The following JHY variants were observed in gnomAD, a reference collection of about 807,000 sequenced individuals.
JHY encodes jhy protein homolog.
In JHY, 69 loss-of-function variants were observed where a neutral mutation model predicts 78.0. That is an observed-to-expected ratio of 0.88 (90% confidence interval 0.73 to 1.08). The LOEUF is 1.08. Among genes scored for constraint, JHY ranks in the 50% least tolerant of loss-of-function variants. The pLI is 0.00. For synonymous variants in JHY, 368 were observed against 342.6 expected, an observed-to-expected ratio of 1.07 and a Z score of -0.82; for missense variants, 944 against 927.8, an observed-to-expected ratio of 1.02 and a Z score of -0.23.
rs1426345572 is a variant in JHY, at chr11:122,962,170, G to C, written c.*2725G>C. 6.6e-6 allele frequency among the ~76,000 whole-genome samples: 1 copy of C among 152,156 alleles called. No homozygotes were observed. On this transcript the variant is annotated 3_prime_UTR_variant, in exon 9 of 9. Transcript: ENST00000227349. ...CCAGTCTTAAAATCATTACTGGAGA[G>C]TTTAATTTTCTACTTCCTTCCTTAT...
chr11:122,960,278 G>T lies in JHY; in HGVS notation c.*833G>T. ...TCCTGCCCTGACAGATTCTCTGGTC[G>T]GGGTCACAGGGATGTTAAGACAGCT... On this transcript the variant is annotated 3_prime_UTR_variant, in exon 9 of 9. Transcript: ENST00000227349. 1 of 154,624 alleles carries T rather than the reference G, an allele frequency of 6.5e-6. No homozygotes were observed. Among genetic ancestry groups the T allele is most frequent in the East Asian group, 1.9e-4 (1 of 5,346 alleles). The allele number at this position is 154,624 out of a possible 1,614,324, so 9.6% of individuals were successfully genotyped here.
chr11:122,911,974 A>C (rs1863137739), intron 3 of JHY, among the ~76,000 whole-genome samples: 1 of 151,106 alleles, frequency 6.6e-6, no homozygotes, highest in African/African-American at 2.4e-5. Context: ...CCTTTATTTA[A>C]TAAAGTGATG....
intron 3 of JHY, among the ~76,000 whole-genome samples, chr11:122,908,103 C>A (rs1306228463): frequency 6.6e-6 from 1 of 152,104 alleles, no homozygotes; most frequent in Non-Finnish European, 1.5e-5. Flanking sequence ...CTGGGTTGCA[C>A]TCTAAATATG....
At position 122,913,311 on chromosome 11, in the gene JHY, TTAAAA is replaced by T. The variant is rs201375425; in HGVS notation, c.864+8871_864+8875del. On this transcript the variant is annotated intron_variant, in intron 3 of 8. Transcript: ENST00000227349. ...AGATACTGTTTCAAATATTTACACT[TTAAAA>T]TAAGGAATTTATTAATAACTCGGGA... Among the ~76,000 whole-genome samples the T allele has an allele frequency of 5.3e-5, 8 of 152,306 alleles. No individual in the cohort carries two copies. In the East Asian group the frequency reaches 5.8e-4, roughly 11 times the overall value.
At chr11:122,906,903 C>A (rs897712229) in intron 3 of JHY, among the ~76,000 whole-genome samples, 3 of 152,184 alleles carry the variant, frequency 2.0e-5, no homozygotes, top group African/African-American at 7.2e-5. Context: ...TATCTAAAGG[C>A]TAATTGTATT....
intron 8 of JHY, 65 bp downstream of exon 8, chr11:122,957,556 C>CTTTTTT: frequency 4.1e-6 from 4 of 981,074 alleles, no homozygotes; most frequent in Non-Finnish European, 5.4e-6. Context: ...TTTATTATCG[C>CTTTTTT]TTTTTTTTTT....
chr11:122,893,788 A>G (rs1862676070), intron 2 of JHY, among the ~76,000 whole-genome samples: 1 of 152,216 alleles, frequency 6.6e-6, no homozygotes, highest in Non-Finnish European at 1.5e-5. Context: ...TGATAGGCCC[A>G]ATCCAACTAA....
rs781513267 is a variant in JHY, at chr11:122,950,918, A to C, written c.1929+4126A>C. 1.5e-4 allele frequency among the ~76,000 whole-genome samples: 23 copies of C among 152,196 alleles called. 1 individual carries two copies. Among genetic ancestry groups the C allele is most frequent in the Non-Finnish European group, 2.1e-4 (14 of 68,028 alleles). On this transcript the variant is annotated intron_variant, in intron 6 of 8. Transcript: ENST00000227349. ...TCCTGCTTTCTATCAGGAATGTTAC[A>C]ATCTGTATATCCATTTTCTCAATCC...
intron 3 of JHY, among the ~76,000 whole-genome samples, chr11:122,922,166 G>A (rs534333302): frequency 5.8e-4 from 88 of 152,122 alleles, no homozygotes; most frequent in African/African-American, 2.0e-3. Flanking sequence ...TTTTTGTTTC[G>A]TGTTTTAGGA....
Position 122,917,263 on chromosome 11 carries a change from G to A in JHY, c.865-7634G>A, listed in dbSNP as rs1863251489. ...CCGTAAGCATTTAGCTATGGCCTCA[G>A]GATATCTTCAAGACTAGAAAATGTC... On this transcript the variant is annotated intron_variant, in intron 3 of 8. Transcript: ENST00000227349. This position sits in a 1 kb window ranked among gnomAD's most constrained non-coding sequence, Gnocchi z 4.1. 6.6e-6 allele frequency among the ~76,000 whole-genome samples: 1 copy of A among 152,186 alleles called. No homozygotes were observed. Among genetic ancestry groups the A allele is most frequent in the Non-Finnish European group, 1.5e-5 (1 of 68,026 alleles).
Position 122,914,639 on chromosome 11 carries a change from T to C in JHY, c.864+10195T>C, listed in dbSNP as rs148492219. Reference sequence around the variant, plus strand: ...TTTCTATTTTTAGTAGAGATGAGGGTTCACCATGTTGGTCAGGCTGGTCTC... The same window carrying C: ...TTTCTATTTTTAGTAGAGATGAGGGCTCACCATGTTGGTCAGGCTGGTCTC... On this transcript the variant is annotated intron_variant, in intron 3 of 8. Transcript: ENST00000227349. 2.3e-3 allele frequency among the ~76,000 whole-genome samples: 355 copies of C among 151,988 alleles called. 4 individuals carry two copies. Among genetic ancestry groups the C allele is most frequent in the African/African-American group, 8.0e-3 (333 of 41,450 alleles).
At chr11:122,915,058 T>C (rs886710262) in intron 3 of JHY, among the ~76,000 whole-genome samples, 1 of 151,924 alleles carries the variant, frequency 6.6e-6, no homozygotes, top group Non-Finnish European at 1.5e-5. Flanking sequence ...GAAAAAAAAA[T>C]TTTCCACATA....
Position 122,961,031 on chromosome 11 carries a change from G to A in JHY, c.*1586G>A, listed in dbSNP as rs1591405546. 9.8e-7 allele frequency: 1 copy of A among 1,022,234 alleles called. No individual in the cohort carries two copies. The highest frequency in any genetic ancestry group is 1.5e-6 in the Non-Finnish European group (1 of 654,588). The allele number at this position is 1,022,234 out of a possible 1,614,324, so 63.3% of individuals were successfully genotyped here. ...AACAGGAAAAGGAGACAATTGCCAA[G>A]TGCATTTGGGACCTAAAGCTGTTGG... On this transcript the variant is annotated 3_prime_UTR_variant, in exon 9 of 9. Coordinates refer to ENST00000227349, the MANE Select transcript of JHY (RefSeq NM_024806.4).
intron 8 of JHY, among the ~76,000 whole-genome samples, chr11:122,958,284 G>A (rs1000042402): frequency 4.6e-5 from 7 of 152,192 alleles, no homozygotes; most frequent in African/African-American, 7.2e-5. Flanking sequence ...TGAGGAACAA[G>A]AGATCCTTTG....
chr11:122,961,947 C>G lies in JHY; in HGVS notation c.*2502C>G, dbSNP rs117790683. Among the ~76,000 whole-genome samples the G allele has an allele frequency of 2.7e-3, 409 of 152,324 alleles. 2 individuals carry two copies. The highest frequency in any genetic ancestry group is 4.7e-3 in the Non-Finnish European group (323 of 68,028). On this transcript the variant is annotated 3_prime_UTR_variant, in exon 9 of 9. Coordinates refer to ENST00000227349, the MANE Select transcript of JHY (RefSeq NM_024806.4). Reference sequence around the variant, plus strand: ...AATGCAGGCAACTCTGAGAGACACACTTTATCAAAGCTCCTTACTCCAAGT... The same window carrying G: ...AATGCAGGCAACTCTGAGAGACACAGTTTATCAAAGCTCCTTACTCCAAGT...
chr11:122,919,352 C>CAAAAAAAAAAAA (rs72233254), intron 3 of JHY, among the ~76,000 whole-genome samples: 1 of 70,090 alleles, frequency 1.4e-5, no homozygotes, highest in Non-Finnish European at 3.0e-5. Flanking sequence ...GACTCTGTCT[C>CAAAAAAAAAAAA]AAAAAAAAAA....
At chr11:122,921,064 G>A (rs760996405) in intron 3 of JHY, among the ~76,000 whole-genome samples, 11 of 151,978 alleles carry the variant, frequency 7.2e-5, no homozygotes, top group Non-Finnish European at 1.5e-5. Context: ...GGCAGAGGTT[G>A]TGTCCCATTC....
intron 6 of JHY, among the ~76,000 whole-genome samples, chr11:122,956,065 A>G (rs889274389): frequency 6.6e-6 from 1 of 152,046 alleles, no homozygotes; most frequent in Non-Finnish European, 1.5e-5. Flanking sequence ...CAGCGACTCA[A>G]GAGGCTGAGG....
intron 3 of JHY, among the ~76,000 whole-genome samples, chr11:122,912,503 A>G (rs1365806602): frequency 6.6e-6 from 1 of 152,138 alleles, no homozygotes; most frequent in African/African-American, 2.4e-5. Flanking sequence ...AAAACAAAAT[A>G]CTGATTTGAG....
Sources: allele counts gnomAD v4.1 joint callset (sites outside exome capture counted in the v4.1 genomes callset), GRCh38; gene constraint gnomAD v4.1.1; non-coding constraint Gnocchi (gnomAD v3.1); transcripts MANE v1.5; gene names NCBI Gene and HGNC (gene_info 2026-07-23, HGNC 2026-07-21).